MYCBP2: variants seen among roughly 807,000 people sequenced by gnomAD.
MYCBP2 encodes the protein E3 ubiquitin-protein ligase MYCBP2.
A neutral mutation model predicts 525.3 loss-of-function variants in MYCBP2; 120 were observed. The ratio of observed to expected loss-of-function variants is 0.23; its 90% CI spans 0.20 to 0.27. The LOEUF is 0.27. Ranked by LOEUF, MYCBP2 falls within the 10% of genes least tolerant of loss-of-function variation. The probability of loss-of-function intolerance (pLI) is 1.00; values close to 1 mark genes in which losing one functional copy is unlikely to be tolerated. For missense variants in MYCBP2, 4,149 were observed against 5,657.1 expected, an observed-to-expected ratio of 0.73 and a Z score of 8.55; for synonymous variants, 1,894 against 1,955.8, an observed-to-expected ratio of 0.97 and a Z score of 0.83.
At chr13:77,174,213 TTTAA>T (rs1436053772) in intron 37 of MYCBP2, 94 bp downstream of exon 37, 41 of 1,080,750 alleles carry the variant, frequency 3.8e-5, no homozygotes, top group Non-Finnish European at 5.5e-5. Context: ...CACTGTACAA[TTTAA>T]TTATAAGTAT....
intron 8 of MYCBP2, among the ~76,000 whole-genome samples, chr13:77,264,624 G>C (rs1201737201): frequency 6.6e-6 from 1 of 152,034 alleles, no homozygotes; most frequent in East Asian, 1.9e-4. Flanking sequence ...AAGCAGTCAT[G>C]TATCTTGGCT....
intron 55 of MYCBP2, among the ~76,000 whole-genome samples, chr13:77,105,618 GAAA>G (rs371822880): frequency 2.2e-4 from 34 of 151,806 alleles, no homozygotes; most frequent in Middle Eastern, 3.4e-3. Flanking sequence ...ATACACAAAA[GAAA>G]AAAAGTTGAT....
chr13:77,242,904 G>C (rs1487242572), intron 17 of MYCBP2, among the ~76,000 whole-genome samples, 155 bp downstream of exon 17: 1 of 152,126 alleles, frequency 6.6e-6, no homozygotes, highest in African/African-American at 2.4e-5. Context: ...TGAATACCCT[G>C]AATATTTTCC....
At position 77,057,357 on chromosome 13, in the gene MYCBP2, G is replaced by C. The variant is rs180926403; in HGVS notation, c.13330-264C>G. Among the ~76,000 whole-genome samples the C allele has an allele frequency of 5.5e-4, 84 of 152,190 alleles. 1 individual carries two copies. Among genetic ancestry groups the C allele is most frequent in the Admixed American group, 4.7e-3 (72 of 15,284 alleles). On this transcript the variant is annotated intron_variant, in intron 78 of 82. Transcript: ENST00000544440. Reference sequence around the variant, plus strand: ...ATGCCACTTATATAAAGTAAGCTAGGTTAGGAAAAAAAGTAAAATTATTCA... The same window carrying C: ...ATGCCACTTATATAAAGTAAGCTAGCTTAGGAAAAAAAGTAAAATTATTCA...
Position 77,326,240 on chromosome 13 carries a change from GACACACACACACACACACACACACACAC to G in MYCBP2, c.302+206_302+233del, listed in dbSNP as rs398023536. The stretch of plus-strand genomic sequence containing the variant: ...CACTATCCCCCCACATAGGCAGGCA[GACACACACACACACACACACACACACAC>G]ACACACACACACACACGAGAAACTG... On this transcript the variant is annotated intron_variant, in intron 1 of 82. Transcript: ENST00000544440. This position sits in a 1 kb window ranked among gnomAD's most constrained non-coding sequence, Gnocchi z 4.2. Among the ~76,000 whole-genome samples, 2 of 127,772 alleles carry G rather than the reference GACACACACACACACACACACACACACAC, an allele frequency of 1.6e-5. No homozygotes were observed. The highest frequency in any genetic ancestry group is 2.8e-4 in the South Asian group (1 of 3,558). The allele number at this position is 127,772 out of a possible 152,430, so 83.8% of individuals were successfully genotyped here.
chr13:77,148,679 T>C (rs905682071), intron 47 of MYCBP2, among the ~76,000 whole-genome samples: 27 of 152,232 alleles, frequency 1.8e-4, no homozygotes, highest in African/African-American at 6.5e-4. Context: ...CACACTGTTA[T>C]TCACAAATAA....
chr13:77,317,111 G>A (rs1053749862), intron 1 of MYCBP2, among the ~76,000 whole-genome samples: 19 of 152,140 alleles, frequency 1.2e-4, no homozygotes, highest in South Asian at 6.2e-4. Flanking sequence ...CAACATGCCC[G>A]GCTAATTGTT....
In MYCBP2 at chr13:77,233,216, C is replaced by G. The variant is rs147435974; in HGVS notation, c.2677G>C (p.Ala893Pro). 2.5e-6 allele frequency: 4 copies of G among 1,613,640 alleles called. No homozygotes were observed. The African/African-American group carries it at 5.3e-5, about 22-fold the overall frequency. ...GGATGGGATCTGAGTCTGGCTAGAG[C>G]CTGTTCTCGATGGTTCATAAAAATA... ...GPIFMNHREQ[A>P]LARLRSHPAQ... The change falls in exon 18 of 83, where the codon GCT becomes CCT. Residue 893 changes from alanine to proline, a missense_variant. Ala to Pro is a conservative substitution (Grantham distance 27, BLOSUM62 -1). Around this residue, in one of 21 missense-constraint regions of MYCBP2, gnomAD observed 620 missense variants for 795.5 expected, o/e 0.78. Coordinates refer to ENST00000544440, the MANE Select transcript of MYCBP2 (RefSeq NM_015057.5).
At chr13:77,261,439 G>T in intron 11 of MYCBP2, 64 bp from the exon 12 acceptor site, 1 of 1,180,568 alleles carries the variant, frequency 8.5e-7, no homozygotes, top group Non-Finnish European at 1.2e-6. Flanking sequence ...GGTTTCACAT[G>T]AGGAAAAAAA....
intron 52 of MYCBP2, among the ~76,000 whole-genome samples, chr13:77,128,146 G>A (rs935180108): frequency 2.0e-5 from 3 of 151,840 alleles, no homozygotes; most frequent in Non-Finnish European, 4.4e-5. Context: ...TACACAGAGA[G>A]CACTCAAGAT....
In MYCBP2 at chr13:77,098,441, G is replaced by A. The variant is rs1175142834; in HGVS notation, c.8713C>T (p.Pro2905Ser). 7 of 1,613,538 alleles carry A rather than the reference G, an allele frequency of 4.3e-6. No homozygotes were observed. The highest frequency in any genetic ancestry group is 5.9e-6 in the Non-Finnish European group (7 of 1,179,816). The change falls in exon 56 of 83, where the codon CCA becomes TCA. Residue 2905 changes from proline (P) to serine (S), a missense_variant. Pro to Ser is a moderately conservative substitution (Grantham distance 74). Transcript: ENST00000544440. Reference protein sequence around the residue: ...RSTSPKPKSVPKDSTDSPGSE... With the variant: ...RSTSPKPKSVSKDSTDSPGSE... ...CCAGGGGAATCTGTAGAATCCTTTG[G>A]TACTGATTTTGGTTTTGGTGACGTT...
At chr13:77,190,382 G>A (rs925071418) in intron 28 of MYCBP2, 47 bp from the exon 29 acceptor site, 5 of 1,078,478 alleles carry the variant, frequency 4.6e-6, no homozygotes, top group African/African-American at 1.6e-5. Context: ...ATCATTACAG[G>A]AAATAAGAAA....
At chr13:77,062,463 G>T in intron 74 of MYCBP2, 133 bp downstream of exon 74, 1 of 737,010 alleles carries the variant, frequency 1.4e-6, no homozygotes, top group Non-Finnish European at 2.2e-6. Context: ...CTTGGCCGAA[G>T]GGACACAATC....
chr13:77,306,825 C>G (rs999824322), intron 1 of MYCBP2, among the ~76,000 whole-genome samples: 6 of 152,114 alleles, frequency 3.9e-5, no homozygotes, highest in African/African-American at 1.2e-4. Context: ...TGAGTGAGAA[C>G]AGCAGAACTA....
intron 68 of MYCBP2, among the ~76,000 whole-genome samples, chr13:77,075,091 C>A (rs1362034433): frequency 6.6e-6 from 1 of 152,240 alleles, no homozygotes; most frequent in South Asian, 2.1e-4. Context: ...ACCTGTAGTT[C>A]CAGCTACTTG....
intron 33 of MYCBP2, among the ~76,000 whole-genome samples, chr13:77,181,173 ATACTT>A (rs1303881282): frequency 6.6e-6 from 1 of 152,164 alleles, no homozygotes; most frequent in Non-Finnish European, 1.5e-5. Flanking sequence ...TAAAGGAAAA[ATACTT>A]TATTTTTCAG....
At chr13:77,202,583 C>A (rs999798250) in intron 26 of MYCBP2, among the ~76,000 whole-genome samples, 21 of 151,676 alleles carry the variant, frequency 1.4e-4, no homozygotes, top group African/African-American at 7.3e-5. Flanking sequence ...CGGGCAGAGA[C>A]ACAACCAAAA....
At chr13:77,116,643 T>C (rs1001649986) in intron 55 of MYCBP2, among the ~76,000 whole-genome samples, 1 of 151,992 alleles carries the variant, frequency 6.6e-6, no homozygotes, top group Non-Finnish European at 1.5e-5. Flanking sequence ...ATTCAGAAAA[T>C]TGCTAATTGA....
intron 3 of MYCBP2, among the ~76,000 whole-genome samples, chr13:77,280,450 G>A (rs2076072024): frequency 6.6e-6 from 1 of 152,160 alleles, no homozygotes; most frequent in Non-Finnish European, 1.5e-5. Context: ...GATCTCCAGA[G>A]TACAAAATAT....
Sources: allele counts gnomAD v4.1 joint callset (sites outside exome capture counted in the v4.1 genomes callset), GRCh38; gene constraint gnomAD v4.1.1; regional missense constraint gnomAD v4.1.1; non-coding constraint Gnocchi (gnomAD v3.1); transcripts MANE v1.5; gene names NCBI Gene and HGNC (gene_info 2026-07-23, HGNC 2026-07-21).